The following SLC27A2 variants were observed in gnomAD, a reference collection of about 807,000 sequenced individuals.
SLC27A2 encodes solute carrier family 27 member 2.
SLC27A2 carries 54 observed loss-of-function variants against 60.0 expected under a neutral mutation model. The observed-to-expected ratio is 0.90, with a 90% CI of 0.72 to 1.13. The LOEUF is 1.13. Among genes scored for constraint, SLC27A2 ranks in the 50% most tolerant of loss-of-function variants. SLC27A2 has a pLI of 0.00. For missense variants in SLC27A2, 739 were observed against 777.6 expected (o/e 0.95, Z 0.59); for synonymous variants, 297 against 297.6 (o/e 1.00, Z 0.02).
intron 1 of SLC27A2, among the ~76,000 whole-genome samples, chr15:50,192,927 T>A (rs2044986301): frequency 6.6e-6 from 1 of 151,964 alleles, no homozygotes; most frequent in Non-Finnish European, 1.5e-5. Flanking sequence ...CTACTCTACC[T>A]ACCAGATATC....
chr15:50,193,324 C>A (rs1165233515), intron 1 of SLC27A2, among the ~76,000 whole-genome samples: 1 of 152,172 alleles, frequency 6.6e-6, no homozygotes, highest in East Asian at 1.9e-4. Context: ...TTGTTTGTTT[C>A]TCCTCTATTA....
intron 4 of SLC27A2, among the ~76,000 whole-genome samples, chr15:50,206,489 C>G (rs1418161754): frequency 6.6e-6 from 1 of 152,202 alleles, no homozygotes; most frequent in Non-Finnish European, 1.5e-5. Context: ...GTCAGATGCT[C>G]TTCCCCCAGG....
At chr15:50,188,241 C>A (rs1359178043) in intron 1 of SLC27A2, among the ~76,000 whole-genome samples, 1 of 152,108 alleles carries the variant, frequency 6.6e-6, no homozygotes, top group African/African-American at 2.4e-5. Context: ...GGGGAGGGGG[C>A]ATTCCAGGCA....
intron 8 of SLC27A2, among the ~76,000 whole-genome samples, chr15:50,232,869 AAC>A (rs545447201): frequency 6.6e-6 from 1 of 152,246 alleles, no homozygotes; most frequent in South Asian, 2.1e-4. Flanking sequence ...GCTATAGGTA[AAC>A]ACACAATCAC....
chr15:50,204,501 A>AG (rs1411534859), intron 3 of SLC27A2, among the ~76,000 whole-genome samples: 1 of 152,010 alleles, frequency 6.6e-6, no homozygotes, highest in Non-Finnish European at 1.5e-5. Flanking sequence ...TGGGAGGCCA[A>AG]GGGGTACAGA....
chr15:50,182,634 G>A lies in SLC27A2; in HGVS notation c.207G>A (p.Lys69=), dbSNP rs780228780. The A allele has an allele frequency of 2.1e-5, 34 of 1,613,828 alleles. No homozygotes were observed. The Admixed American group carries it at 5.5e-4, about 26-fold the overall frequency. ...FLEKARQTPH[K]PFLLFRDETL... ...AGAAAGCGCGCCAGACGCCACACAA[G>A]CCTTTTCTGCTCTTCCGCGACGAGA... Residue 69 remains lysine (K), a synonymous_variant, in exon 1 of 10, where the codon AAG becomes AAA. Transcript: ENST00000267842.
chr15:50,188,982 AATAGATAGATAG>A (rs199573332), intron 1 of SLC27A2, among the ~76,000 whole-genome samples: 341 of 135,524 alleles, frequency 2.5e-3, no homozygotes, highest in Middle Eastern at 7.4e-3. Context: ...TAGATAGATA[AATAGATAGATAG>A]ATAGATAGAT....
At chr15:50,189,547 G>C (rs1246596844) in intron 1 of SLC27A2, among the ~76,000 whole-genome samples, 1 of 152,196 alleles carries the variant, frequency 6.6e-6, no homozygotes, top group Non-Finnish European at 1.5e-5. Flanking sequence ...CTTAACTAAA[G>C]CTTGCAAAGG....
At chr15:50,195,042 GATA>G (rs1195259562) in intron 1 of SLC27A2, among the ~76,000 whole-genome samples, 10 of 152,140 alleles carry the variant, frequency 6.6e-5, no homozygotes, top group Non-Finnish European at 1.3e-4. Context: ...GTAAAGGGAA[GATA>G]ATAACTGTCA....
Position 50,201,835 on chromosome 15 carries a change from G to A in SLC27A2, c.689-652G>A, listed in dbSNP as rs138590179. 9.5e-3 allele frequency among the ~76,000 whole-genome samples: 1,445 copies of A among 152,266 alleles called. 17 individuals carry two copies. The highest frequency in any genetic ancestry group is 0.053 in the South Asian group (258 of 4,824). ...CTCCCAAAGTGTTAGGATTACAGGCGTGAGCCACCGCGCCTGGCCAAGTGT... is the reference window on the plus strand; with the variant it reads ...CTCCCAAAGTGTTAGGATTACAGGCATGAGCCACCGCGCCTGGCCAAGTGT... On this transcript the variant is annotated intron_variant, in intron 2 of 9. Coordinates refer to ENST00000267842, the MANE Select transcript of SLC27A2 (RefSeq NM_003645.4).
chr15:50,208,841 A>T (rs748204029), intron 4 of SLC27A2, among the ~76,000 whole-genome samples: 3 of 152,204 alleles, frequency 2.0e-5, no homozygotes, highest in Non-Finnish European at 4.4e-5. Flanking sequence ...TTGTAATGAA[A>T]GGCCATTCTG....
rs199686561 is a variant in SLC27A2 at position 50,197,724 on chromosome 15, G to T, written c.688+15G>T. 2.5e-6 allele frequency: 4 copies of T among 1,585,392 alleles called. No homozygotes were observed. The highest frequency in any genetic ancestry group is 3.5e-6 in the Non-Finnish European group (4 of 1,155,712). ...TGGAACCACAGGTAAAAATAAAGGG[G>T]GGATTCTCCAAAAAAATTAATCTGA... On this transcript the variant is annotated intron_variant, in intron 2 of 9. Transcript: ENST00000267842.
intron 7 of SLC27A2, 73 bp downstream of exon 7, chr15:50,227,251 T>C: frequency 8.6e-7 from 1 of 1,163,360 alleles, no homozygotes; most frequent in Non-Finnish European, 1.3e-6. Flanking sequence ...GGAATCGCAT[T>C]CCACTTTGGT....
intron 4 of SLC27A2, among the ~76,000 whole-genome samples, chr15:50,219,833 T>C (rs1249455873): frequency 6.6e-6 from 1 of 152,138 alleles, no homozygotes; most frequent in Non-Finnish European, 1.5e-5. Flanking sequence ...GTCCCCCAGG[T>C]GTGTTTGCAT....
intron 1 of SLC27A2, among the ~76,000 whole-genome samples, chr15:50,188,984 T>TAGAC (rs1192277233): frequency 1.0e-5 from 1 of 97,760 alleles, no homozygotes; most frequent in South Asian, 3.2e-4. Context: ...GATAGATAAA[T>TAGAC]AGATAGATAG....
At chr15:50,222,940 G>A in intron 4 of SLC27A2, 25 bp from the exon 5 acceptor site, 2 of 1,571,902 alleles carry the variant, frequency 1.3e-6, no homozygotes, top group South Asian at 1.2e-5. Context: ...TTTCAGTTTG[G>A]TCTCCTTCTT....
At chr15:50,190,059 G>A (rs753362947) in intron 1 of SLC27A2, among the ~76,000 whole-genome samples, 1 of 152,038 alleles carries the variant, frequency 6.6e-6, no homozygotes, top group Non-Finnish European at 1.5e-5. Context: ...TATGACCTCC[G>A]GGTGATTTGT....
chr15:50,197,431 T>G, intron 1 of SLC27A2, 69 bp from the exon 2 acceptor site: 1 of 1,182,858 alleles, frequency 8.5e-7, no homozygotes, highest in Non-Finnish European at 1.2e-6. Context: ...TTATGATGCT[T>G]GTTGAAGCAC....
chr15:50,223,221 A>C (rs1220826267), intron 5 of SLC27A2, 62 bp downstream of exon 5: 2 of 1,220,518 alleles, frequency 1.6e-6, no homozygotes, highest in Non-Finnish European at 2.3e-6. Context: ...GACTTCTTAA[A>C]AGCCAAGTCA....
Sources: gnomAD v4.1 joint callset for allele counts (sites outside exome capture counted in the v4.1 genomes callset) on GRCh38, gnomAD v4.1.1 for gene constraint, MANE v1.5 for transcripts, NCBI Gene and HGNC (gene_info 2026-07-23, HGNC 2026-07-21) for gene names.